RBM46: variants seen among roughly 807,000 people sequenced by gnomAD.
RBM46 encodes probable RNA-binding protein 46.
Under a neutral mutation model 43.3 loss-of-function variants are expected in RBM46, and 12 were observed. The ratio of observed to expected loss-of-function variants is 0.28; its 90% CI spans 0.18 to 0.45. RBM46 has a LOEUF of 0.45. Ranked by LOEUF, RBM46 falls within the 20% of genes least tolerant of loss-of-function variation. The pLI is 1.00. For synonymous variants in RBM46, 205 were observed against 207.6 expected, an observed-to-expected ratio of 0.99 and a Z score of 0.11; for missense variants, 412 against 639.1, an observed-to-expected ratio of 0.64 and a Z score of 3.83.
Position 154,804,698 on chromosome 4 carries a change from G to C in RBM46, c.1402+5134G>C, listed in dbSNP as rs1734818765. 2.0e-5 allele frequency among the ~76,000 whole-genome samples: 3 copies of C among 151,780 alleles called. 1 individual carries two copies. The highest frequency in any genetic ancestry group is 6.8e-3 in the Middle Eastern group (2 of 294). ...TACAAGTGGTATTTTTTTCTTACTT[G>C]TATGGCTATTGGAAAATTTTTAAAA... On this transcript the variant is annotated intron_variant, in intron 4 of 4. Coordinates refer to ENST00000281722, the MANE Select transcript of RBM46 (RefSeq NM_144979.5).
At chr4:154,782,171 GCA>G (rs1289323668) in intron 1 of RBM46, among the ~76,000 whole-genome samples, 3 of 152,176 alleles carry the variant, frequency 2.0e-5, no homozygotes, top group Non-Finnish European at 2.9e-5. Context: ...ACACGTCGTG[GCA>G]CCGCCTTTGT....
In RBM46 at chr4:154,796,693, C is replaced by A. The variant is rs539491015; in HGVS notation, c.-11-49C>A. 6.3e-6 allele frequency: 8 copies of A among 1,273,772 alleles called. No individual in the cohort carries two copies. In the African/African-American group the frequency reaches 1.1e-4, roughly 17 times the overall value. The allele number at this position is 1,273,772 out of a possible 1,614,324, so 78.9% of individuals were successfully genotyped here. A position where few individuals can be genotyped will look rare whatever the true frequency, so the allele number is the denominator to read the frequency against. ...AACCCAAAGAAATGCCTTATAGATT[C>A]TTGGTATTCTGTTGTAAACTTAACC... On this transcript the variant is annotated intron_variant, in intron 1 of 4. Transcript: ENST00000281722.
intron 1 of RBM46, among the ~76,000 whole-genome samples, chr4:154,796,248 C>G (rs1734344516): frequency 1.3e-5 from 2 of 152,040 alleles, no homozygotes; most frequent in Admixed American, 6.5e-5. Context: ...GGGATAACAC[C>G]CAGATTTCTG....
At chr4:154,815,246 A>AT (rs1735376613) in intron 4 of RBM46, among the ~76,000 whole-genome samples, 1 of 152,012 alleles carries the variant, frequency 6.6e-6, no homozygotes, top group Non-Finnish European at 1.5e-5. Flanking sequence ...ATAAAGAACT[A>AT]TCAGTTTGGG....
intron 2 of RBM46, among the ~76,000 whole-genome samples, chr4:154,797,469 G>A (rs938797554): frequency 4.6e-5 from 7 of 152,038 alleles, no homozygotes; most frequent in African/African-American, 1.7e-4. Flanking sequence ...ACATAAAAGC[G>A]CTTGCTTTTT....
At chr4:154,799,755 C>CTTTTTTTTTTTTTTTTTTTTTTTTTTTTT (rs35629123) in intron 4 of RBM46, among the ~76,000 whole-genome samples, 191 bp downstream of exon 4, 1 of 114,660 alleles carries the variant, frequency 8.7e-6, no homozygotes, top group Non-Finnish European at 1.7e-5. Flanking sequence ...TTTAGCTTTT[C>CTTTTTTTTTTTTTTTTTTTTTTTTTTTTT]TTTTTTTTTT....
At chr4:154,793,384 A>G (rs1734196421) in intron 1 of RBM46, among the ~76,000 whole-genome samples, 1 of 152,178 alleles carries the variant, frequency 6.6e-6, no homozygotes. Flanking sequence ...ATTTTTAGTA[A>G]TTATGAAGTA....
At chr4:154,802,042 G>C (rs1237255154) in intron 4 of RBM46, among the ~76,000 whole-genome samples, 4 of 152,150 alleles carry the variant, frequency 2.6e-5, no homozygotes, top group East Asian at 1.9e-4. Context: ...CTGTATTCAG[G>C]CTCAGAACAG....
chr4:154,806,004 G>A (rs187537619), intron 4 of RBM46, among the ~76,000 whole-genome samples: 4 of 151,920 alleles, frequency 2.6e-5, no homozygotes, highest in Non-Finnish European at 5.9e-5. Context: ...ATGAGAAATA[G>A]GCATCAGGAT....
chr4:154,790,712 T>C (rs1430435763), intron 1 of RBM46, among the ~76,000 whole-genome samples: 3 of 152,248 alleles, frequency 2.0e-5, no homozygotes, highest in Non-Finnish European at 4.4e-5. Context: ...GTTTTCTGTT[T>C]ATATTTGGAC....
At chr4:154,820,342 TTCTG>T (rs1457963388) in intron 4 of RBM46, 1 of 1,487,444 alleles carries the variant, frequency 6.7e-7, no homozygotes, top group Non-Finnish European at 9.0e-7. Flanking sequence ...CTCAATTATT[TTCTG>T]TCTTCACTGC....
Position 154,827,923 on chromosome 4 carries a change from C to G in RBM46, c.1458C>G (p.Leu486=). ...INSLSPVSAT[L]SSGTPSVLPY... ...GTCTTTCCCCTGTTAGTGCTACCCT[C>G]TCTTCTGGGACTCCCAGCGTGCTTC... Residue 486 remains leucine, a synonymous_variant, in exon 5 of 5, where the codon CTC becomes CTG. Coordinates refer to ENST00000281722, the MANE Select transcript of RBM46 (RefSeq NM_144979.5). 3 of 1,613,970 alleles carry G rather than the reference C, an allele frequency of 1.9e-6. No homozygotes were observed. Among genetic ancestry groups the G allele is most frequent in the Non-Finnish European group, 2.5e-6 (3 of 1,179,860 alleles).
chr4:154,799,820 C>G (rs1172993777), intron 4 of RBM46, among the ~76,000 whole-genome samples: 1 of 142,264 alleles, frequency 7.0e-6, no homozygotes, highest in African/African-American at 2.6e-5. Flanking sequence ...TGTGCAGTGG[C>G]ATGATCTTGG....
chr4:154,797,820 G>C lies in RBM46; in HGVS notation c.161G>C (p.Gly54Ala). 1 of 1,531,262 alleles carries C rather than the reference G, an allele frequency of 6.5e-7. No homozygotes were observed. Among genetic ancestry groups the C allele is most frequent in the Non-Finnish European group, 8.7e-7 (1 of 1,143,766 alleles). 94.9% of individuals were successfully genotyped at this position (1,531,262 alleles called of 1,614,324 possible). ...CATTTTTGTCGTTCAGGTTGGGAAG[G>C]TCCACCTCCACCTAGAGGCTGTGAA... ...KFGGPPPGWEGPPPPRGCEVF... is the reference protein window; with the variant it reads ...KFGGPPPGWEAPPPPRGCEVF... Residue 54 changes from glycine to alanine, a missense_variant, in exon 3 of 5, where the codon GGT becomes GCT. Gly to Ala is a moderately conservative substitution (Grantham distance 60, BLOSUM62 0). This residue lies in a region of RBM46 where 27 missense variants were observed against 115.8 expected (regional missense o/e 0.23). Transcript: ENST00000281722.
intron 4 of RBM46, among the ~76,000 whole-genome samples, chr4:154,803,218 A>G (rs1442348567): frequency 6.6e-6 from 1 of 152,128 alleles, no homozygotes; most frequent in Non-Finnish European, 1.5e-5. Flanking sequence ...TTTTGGTCCT[A>G]TCTAAAGGAA....
rs759038871 is a variant in RBM46 at position 154,827,869 on chromosome 4, C to A, written c.1404C>A (p.Asp468Glu). Residue 468 changes from aspartate (D) to glutamate (E), a missense_variant and splice_region_variant, in exon 5 of 5, where the codon GAC (aspartate) becomes GAA (glutamate). This residue lies in a region of RBM46 where 149 missense variants were observed against 156.3 expected (regional missense o/e 0.95). Coordinates refer to ENST00000281722, the MANE Select transcript of RBM46 (RefSeq NM_144979.5). ...AATTGTTCATGTATTTATTTACAGA[C>A]TACAATTTCCATCGCAGCTCAATAA... ...LAAQFTLLHL[D>E]YNFHRSSINS... The A allele has an allele frequency of 2.5e-6, 4 of 1,613,644 alleles. No individual in the cohort carries two copies. The highest frequency in any genetic ancestry group is 3.3e-4 in the Middle Eastern group (2 of 6,058).
chr4:154,788,606 G>A (rs1733910879), intron 1 of RBM46, among the ~76,000 whole-genome samples: 1 of 152,208 alleles, frequency 6.6e-6, no homozygotes. Context: ...ATAGTTTGAA[G>A]TCAGGTAGCG....
Position 154,798,268 on chromosome 4 carries a change from A to G in RBM46, c.609A>G (p.Lys203=), listed in dbSNP as rs2111131935. Residue 203 remains lysine (K), a synonymous_variant, in exon 3 of 5, where the codon AAA becomes AAG. Coordinates refer to ENST00000281722, the MANE Select transcript of RBM46 (RefSeq NM_144979.5). ...GAGCTGCTGCTATGGCAAGGAGGAAACTAATTCCAGGTAAACTGAAAGGTT... is the reference window on the plus strand; with the variant it reads ...GAGCTGCTGCTATGGCAAGGAGGAAGCTAATTCCAGGTAAACTGAAAGGTT... ...SHRAAAMARR[K]LIPGTFQLWG... is the part of the protein sequence containing the mutation. The G allele has an allele frequency of 1.3e-6, 2 of 1,571,634 alleles. No homozygotes were observed.
At chr4:154,788,386 G>C (rs1733896008) in intron 1 of RBM46, among the ~76,000 whole-genome samples, 1 of 152,170 alleles carries the variant, frequency 6.6e-6, no homozygotes, top group Non-Finnish European at 1.5e-5. Flanking sequence ...AAGGGATCCA[G>C]TTTCAGCTTT....
Sources: allele counts gnomAD v4.1 joint callset (sites outside exome capture counted in the v4.1 genomes callset), GRCh38; gene constraint gnomAD v4.1.1; regional missense constraint gnomAD v4.1.1; transcripts MANE v1.5; gene names NCBI Gene and HGNC (gene_info 2026-07-23, HGNC 2026-07-21).